Variants in DSCAM observed in about 807,000 individuals in gnomAD.
The protein encoded by DSCAM is cell adhesion molecule DSCAM.
Under a neutral mutation model 217.7 loss-of-function variants are expected in DSCAM, and 47 were observed. That is an observed-to-expected ratio of 0.22 (90% CI 0.17 to 0.28). The LOEUF (loss-of-function observed/expected upper bound fraction) is 0.28. Among genes scored for constraint, DSCAM ranks in the 10% least tolerant of loss-of-function variants. The pLI is 1.00. For synonymous variants in DSCAM, 1,056 were observed against 1,015.3 expected (o/e 1.04, Z -0.76); for missense variants, 2,080 against 2,618.3 (o/e 0.79, Z 4.49).
rs529540333 is a variant in DSCAM, at chr21:40,644,618, G to T, written c.508+48192C>A. Among the ~76,000 whole-genome samples, 3 of 152,248 alleles carry T rather than the reference G, an allele frequency of 2.0e-5. No homozygotes were observed. The South Asian group carries it at 6.2e-4, about 32-fold the overall frequency. On this transcript the variant is annotated intron_variant, in intron 3 of 32. Transcript: ENST00000400454. ...CTGGAGGCCTCGAAAGGGCACCTAG[G>T]GGTGTTACCAAATTCTTTTAGCTTA...
chr21:40,553,191 T>C (rs552415805), intron 3 of DSCAM, among the ~76,000 whole-genome samples: 2 of 152,370 alleles, frequency 1.3e-5, no homozygotes, highest in East Asian at 1.9e-4. Flanking sequence ...GTCACATTTC[T>C]TTCTAGATTG....
chr21:40,669,195 G>A (rs2090240179), intron 3 of DSCAM, among the ~76,000 whole-genome samples: 1 of 152,116 alleles, frequency 6.6e-6, no homozygotes, highest in Non-Finnish European at 1.5e-5. Context: ...TCTCAGTGGA[G>A]AGATTTTCAG....
chr21:40,719,048 G>A (rs35295686), intron 1 of DSCAM, among the ~76,000 whole-genome samples: 7,141 of 152,022 alleles, frequency 0.047, 230 homozygotes, highest in African/African-American at 0.089. Context: ...CCCCAGAATT[G>A]GAAGTTGCAG....
intron 1 of DSCAM, among the ~76,000 whole-genome samples, chr21:40,737,074 A>C (rs550165406): frequency 1.2e-4 from 19 of 152,350 alleles, no homozygotes; most frequent in African/African-American, 4.3e-4. Flanking sequence ...AAATACTGTA[A>C]GGAAGATTCT....
intron 32 of DSCAM, among the ~76,000 whole-genome samples, chr21:40,026,210 A>T (rs1232686513): frequency 7.1e-6 from 1 of 141,210 alleles, no homozygotes; most frequent in African/African-American, 2.5e-5. Flanking sequence ...CCTGAGATCT[A>T]GTTTGATTGA....
chr21:40,578,330 T>C (rs939782415), intron 3 of DSCAM, among the ~76,000 whole-genome samples: 27 of 152,282 alleles, frequency 1.8e-4, no homozygotes, highest in African/African-American at 6.3e-4. Flanking sequence ...TGGAGAACTT[T>C]TGCATCTAGC....
chr21:40,250,156 T>C (rs1278081248), intron 11 of DSCAM, among the ~76,000 whole-genome samples: 1 of 152,156 alleles, frequency 6.6e-6, no homozygotes, highest in Non-Finnish European at 1.5e-5. Flanking sequence ...TTCAGGCCAG[T>C]AGAATGACCT....
intron 11 of DSCAM, among the ~76,000 whole-genome samples, chr21:40,262,118 GC>G (rs1174609709): frequency 1.3e-4 from 20 of 151,994 alleles, no homozygotes; most frequent in Non-Finnish European, 4.4e-5. Context: ...TGAGATGGCA[GC>G]CACCCACAAG....
chr21:40,742,023 C>T (rs1428780627), intron 1 of DSCAM, among the ~76,000 whole-genome samples: 3 of 152,148 alleles, frequency 2.0e-5, no homozygotes, highest in African/African-American at 4.8e-5. Flanking sequence ...CACGTACAGC[C>T]ACACAAGTTG....
chr21:40,786,867 C>A lies in DSCAM; in HGVS notation c.43+59752G>T, dbSNP rs896488401. Among the ~76,000 whole-genome samples, 6 of 151,936 alleles carry A rather than the reference C, an allele frequency of 3.9e-5. No homozygotes were observed. The South Asian group carries it at 8.3e-4, about 21-fold the overall frequency. ...AATCCTGTTTAATCATCAGTCAGTC[C>A]CCAAAATTTGGTGTTATTATTCTTA... On this transcript the variant is annotated intron_variant, in intron 1 of 32. Transcript: ENST00000400454.
intron 3 of DSCAM, among the ~76,000 whole-genome samples, chr21:40,570,333 C>A (rs1365829639): frequency 6.6e-6 from 1 of 152,210 alleles, no homozygotes; most frequent in Non-Finnish European, 1.5e-5. Flanking sequence ...AGCTCAGGAT[C>A]CTAACTCTGC....
chr21:40,446,387 G>A (rs894645079), intron 3 of DSCAM, among the ~76,000 whole-genome samples: 1 of 152,092 alleles, frequency 6.6e-6, no homozygotes, highest in Non-Finnish European at 1.5e-5. Context: ...TATGGCCACT[G>A]GGCACAAGGA....
chr21:40,068,033 G>A (rs1601294007), intron 27 of DSCAM, among the ~76,000 whole-genome samples: 1 of 151,870 alleles, frequency 6.6e-6, no homozygotes, highest in East Asian at 1.9e-4. Context: ...TTCTAAAGCC[G>A]CTTGCTACTC....
chr21:40,683,371 A>T (rs1021653160), intron 3 of DSCAM, among the ~76,000 whole-genome samples: 3 of 152,146 alleles, frequency 2.0e-5, no homozygotes, highest in African/African-American at 7.2e-5. Flanking sequence ...ACTATAAACT[A>T]TTATCTCAAA....
intron 11 of DSCAM, among the ~76,000 whole-genome samples, chr21:40,195,976 C>T (rs768294731): frequency 3.3e-5 from 5 of 152,186 alleles, no homozygotes; most frequent in Non-Finnish European, 7.4e-5. Flanking sequence ...TCAAGATTTA[C>T]TGAATACATT....
intron 20 of DSCAM, among the ~76,000 whole-genome samples, chr21:40,104,680 C>G (rs1476689519): frequency 6.6e-6 from 1 of 152,088 alleles, no homozygotes; most frequent in Non-Finnish European, 1.5e-5. Context: ...AAGAGTAAGT[C>G]TTACATAAAC....
At chr21:40,059,683 T>C (rs138694960) in intron 28 of DSCAM, among the ~76,000 whole-genome samples, 2,118 of 152,362 alleles carry the variant, frequency 0.014, 27 homozygotes, top group Middle Eastern at 0.085. Context: ...AGAAACAATG[T>C]TGAATTTTTT....
At chr21:40,388,903 A>C (rs1214630132) in intron 3 of DSCAM, among the ~76,000 whole-genome samples, 1 of 152,216 alleles carries the variant, frequency 6.6e-6, no homozygotes, top group South Asian at 2.1e-4. Flanking sequence ...CAGGTAGAAC[A>C]TGCTCATTTC....
At chr21:40,080,576 T>C (rs187791586) in intron 24 of DSCAM, among the ~76,000 whole-genome samples, 68 of 152,324 alleles carry the variant, frequency 4.5e-4, no homozygotes, top group African/African-American at 1.5e-3. Flanking sequence ...CTGTGAAGTA[T>C]TGCTGTTTTC....
Sources: gnomAD v4.1 joint callset for allele counts (sites outside exome capture counted in the v4.1 genomes callset) on GRCh38, gnomAD v4.1.1 for gene constraint, MANE v1.5 for transcripts, NCBI Gene and HGNC (gene_info 2026-07-23, HGNC 2026-07-21) for gene names.